Variants in CLYBL observed in about 807,000 individuals in gnomAD.
The protein encoded by CLYBL is citramalyl-CoA lyase, mitochondrial.
Under a neutral mutation model 38.9 loss-of-function variants are expected in CLYBL, and 31 were observed. That is an observed-to-expected ratio of 0.80 (90% CI 0.60 to 1.08). The LOEUF (loss-of-function observed/expected upper bound fraction) is 1.08. Ranked by LOEUF, CLYBL falls within the 50% of genes least tolerant of loss-of-function variation. CLYBL has a pLI of 0.00. For synonymous variants in CLYBL, 171 were observed against 158.6 expected, an observed-to-expected ratio of 1.08 and a Z score of -0.59; for missense variants, 434 against 411.6, an observed-to-expected ratio of 1.05 and a Z score of -0.47.
intron 1 of CLYBL, among the ~76,000 whole-genome samples, chr13:99,682,797 CGTG>C (rs2047756385): frequency 6.6e-6 from 1 of 151,888 alleles, no homozygotes. Flanking sequence ...AGTACAGTGG[CGTG>C]ATCTTGGCTC....
intron 1 of CLYBL, among the ~76,000 whole-genome samples, chr13:99,618,683 C>T (rs1202978178): frequency 6.6e-6 from 1 of 152,188 alleles, no homozygotes; most frequent in African/African-American, 2.4e-5. Flanking sequence ...CACTGAAACC[C>T]TGTGCCCATT....
intron 3 of CLYBL, among the ~76,000 whole-genome samples, chr13:99,859,341 A>C (rs1377424179): frequency 4.1e-4 from 63 of 152,298 alleles, no homozygotes. Flanking sequence ...AATCCCTGGA[A>C]ACTAGGTTGC....
At chr13:99,692,308 T>TTTTTTTTTTTTG (rs2047918250) in intron 1 of CLYBL, among the ~76,000 whole-genome samples, 1 of 151,592 alleles carries the variant, frequency 6.6e-6, no homozygotes, top group African/African-American at 2.4e-5. Context: ...TTGTTTGTTT[T>TTTTTTTTTTTTG]TTTGAGACAG....
At chr13:99,867,625 C>T (rs1050064577) in intron 6 of CLYBL, among the ~76,000 whole-genome samples, 1 of 152,152 alleles carries the variant, frequency 6.6e-6, no homozygotes, top group Non-Finnish European at 1.5e-5. Flanking sequence ...TCCTCTGCCA[C>T]ATCCATGCAA....
chr13:99,774,462 C>G (rs1365665631), intron 2 of CLYBL, among the ~76,000 whole-genome samples: 1 of 151,950 alleles, frequency 6.6e-6, no homozygotes, highest in Non-Finnish European at 1.5e-5. Flanking sequence ...TTCGCTTGAC[C>G]TTTATCTATC....
intron 1 of CLYBL, among the ~76,000 whole-genome samples, chr13:99,657,350 G>A (rs1173032530): frequency 6.6e-6 from 1 of 152,244 alleles, no homozygotes; most frequent in African/African-American, 2.4e-5. Context: ...AAACACAGCT[G>A]TATAGAGCAA....
At chr13:99,861,003 C>T (rs1343340646) in intron 3 of CLYBL, among the ~76,000 whole-genome samples, 2 of 152,282 alleles carry the variant, frequency 1.3e-5, no homozygotes, top group Non-Finnish European at 2.9e-5. Flanking sequence ...ATTGGGTGTG[C>T]ACTGGAATTG....
chr13:99,636,174 TTA>T (rs2047015674), intron 1 of CLYBL, among the ~76,000 whole-genome samples: 1 of 152,202 alleles, frequency 6.6e-6, no homozygotes, highest in Non-Finnish European at 1.5e-5. Flanking sequence ...ACTCTTAAAA[TTA>T]TGTTTTCGAA....
chr13:99,724,030 C>T (rs752329277), intron 1 of CLYBL, among the ~76,000 whole-genome samples: 4 of 152,202 alleles, frequency 2.6e-5, no homozygotes, highest in African/African-American at 7.2e-5. Context: ...GTCATTCCCT[C>T]ATGGTCAGCA....
intron 1 of CLYBL, among the ~76,000 whole-genome samples, chr13:99,614,608 C>T (rs953645546): frequency 1.3e-5 from 2 of 152,104 alleles, no homozygotes; most frequent in Non-Finnish European, 2.9e-5. Context: ...TCAGCTGTGC[C>T]GTGCCTGCTG....
At chr13:99,765,161 A>G (rs1339251754) in intron 1 of CLYBL, among the ~76,000 whole-genome samples, 1 of 151,992 alleles carries the variant, frequency 6.6e-6, no homozygotes, top group Admixed American at 6.6e-5. Context: ...GCCTGGGAAA[A>G]ACATATTTGA....
chr13:99,608,271 C>T (rs1341344088), intron 1 of CLYBL, among the ~76,000 whole-genome samples: 1 of 151,778 alleles, frequency 6.6e-6, no homozygotes, highest in Non-Finnish European at 1.5e-5. Context: ...CGAGGTTTCA[C>T]CATGTTGGCC....
chr13:99,685,020 A>G (rs1252243839), intron 1 of CLYBL, among the ~76,000 whole-genome samples: 2 of 152,242 alleles, frequency 1.3e-5, no homozygotes, highest in East Asian at 1.9e-4. Flanking sequence ...TAATATTTCT[A>G]TGACCCTCTA....
At chr13:99,668,454 A>C (rs754347879) in intron 1 of CLYBL, among the ~76,000 whole-genome samples, 12 of 151,400 alleles carry the variant, frequency 7.9e-5, no homozygotes, top group Non-Finnish European at 1.3e-4. Context: ...GTGAGATGGC[A>C]GTTGCCTGTG....
At chr13:99,845,836 C>T (rs760070592) in intron 2 of CLYBL, among the ~76,000 whole-genome samples, 3 of 152,058 alleles carry the variant, frequency 2.0e-5, no homozygotes, top group African/African-American at 4.8e-5. Context: ...TCCTGCTGGC[C>T]GTCCTTCTTC....
intron 2 of CLYBL, among the ~76,000 whole-genome samples, chr13:99,787,129 A>G (rs2049812814): frequency 6.6e-6 from 1 of 151,984 alleles, no homozygotes; most frequent in South Asian, 2.1e-4. Context: ...GTAGATTGCA[A>G]AAATTTTCTC....
intron 1 of CLYBL, among the ~76,000 whole-genome samples, chr13:99,701,607 G>A (rs1052517095): frequency 6.6e-6 from 1 of 151,848 alleles, no homozygotes; most frequent in East Asian, 1.9e-4. Context: ...CACCGCGCCC[G>A]GCCTGAGGAT....
intron 1 of CLYBL, among the ~76,000 whole-genome samples, chr13:99,745,378 G>A (rs933970887): frequency 2.6e-5 from 4 of 152,142 alleles, no homozygotes; most frequent in African/African-American, 9.7e-5. Context: ...CATAAGAGTG[G>A]GTTTGGCAGG....
intron 1 of CLYBL, among the ~76,000 whole-genome samples, chr13:99,647,285 C>A (rs999704538): frequency 1.3e-5 from 2 of 152,206 alleles, no homozygotes; most frequent in African/African-American, 4.8e-5. Context: ...TGTTCATAGG[C>A]AGCAGAGAGG....
Sources: allele counts gnomAD v4.1 joint callset (sites outside exome capture counted in the v4.1 genomes callset), GRCh38; gene constraint gnomAD v4.1.1; transcripts MANE v1.5; gene names NCBI Gene and HGNC (gene_info 2026-07-23, HGNC 2026-07-21).